The following DNAH8 variants were observed in gnomAD, a reference collection of about 807,000 sequenced individuals.
The protein encoded by DNAH8 is axonemal beta dynein heavy chain 8.
A neutral mutation model predicts 562.1 loss-of-function variants in DNAH8; 382 were observed. The observed-to-expected ratio is 0.68, with a 90% confidence interval of 0.63 to 0.74. The LOEUF (loss-of-function observed/expected upper bound fraction) is 0.74, where lower values mean the gene tolerates loss of function less well. Among genes scored for constraint, DNAH8 ranks in the 30% least tolerant of loss-of-function variants. The pLI is 0.00. For missense variants in DNAH8, 5,203 were observed against 5,620.4 expected (o/e 0.93, Z 2.37); for synonymous variants, 1,881 against 1,919.4 (o/e 0.98, Z 0.52).
intron 40 of DNAH8, 66 bp from the exon 41 acceptor site, chr6:38,853,120 G>T (rs992763052): frequency 1.6e-6 from 2 of 1,221,382 alleles, no homozygotes; most frequent in Admixed American, 2.1e-5. Flanking sequence ...TATTAAGTGT[G>T]CATGGAACGT....
intron 58 of DNAH8, among the ~76,000 whole-genome samples, chr6:38,894,179 T>G (rs1349494545): frequency 6.6e-6 from 1 of 152,164 alleles, no homozygotes; most frequent in African/African-American, 2.4e-5. Context: ...CACAGTAAAA[T>G]CCAGGTTATG....
intron 22 of DNAH8, 63 bp downstream of exon 22, chr6:38,803,374 C>A: frequency 7.5e-7 from 1 of 1,328,738 alleles, no homozygotes; most frequent in Non-Finnish European, 1.0e-6. Flanking sequence ...ATGTAAGCAC[C>A]TTCTGCTTAG....
chr6:38,731,867 A>G (rs1468630309), intron 4 of DNAH8, among the ~76,000 whole-genome samples: 1 of 152,138 alleles, frequency 6.6e-6, no homozygotes, highest in Non-Finnish European at 1.5e-5. Flanking sequence ...GGTGCACACC[A>G]CTGCGCCCAG....
At chr6:38,836,101 T>G (rs917677421) in intron 32 of DNAH8, among the ~76,000 whole-genome samples, 3 of 152,134 alleles carry the variant, frequency 2.0e-5, no homozygotes, top group East Asian at 1.9e-4. Flanking sequence ...GTTTCCAACT[T>G]GGGCATATTG....
At chr6:39,014,030 C>T (rs949091349) in intron 91 of DNAH8, among the ~76,000 whole-genome samples, 24 of 152,180 alleles carry the variant, frequency 1.6e-4, no homozygotes, top group Non-Finnish European at 3.5e-4. Context: ...TTGTGTAAAG[C>T]ATACTTTGAT....
At chr6:39,011,079 G>T (rs1442487852) in intron 89 of DNAH8, among the ~76,000 whole-genome samples, 11 of 152,048 alleles carry the variant, frequency 7.2e-5, no homozygotes, top group Admixed American at 7.2e-4. Flanking sequence ...TCCTATTCAG[G>T]CTGCCTATTT....
intron 66 of DNAH8, among the ~76,000 whole-genome samples, chr6:38,912,768 G>A (rs1224222824): frequency 6.6e-6 from 1 of 151,658 alleles, no homozygotes; most frequent in African/African-American, 2.4e-5. Flanking sequence ...TAAAATAAAG[G>A]CAATAAATGC....
intron 82 of DNAH8, among the ~76,000 whole-genome samples, chr6:38,960,503 C>T (rs957021465): frequency 6.7e-6 from 1 of 149,942 alleles, no homozygotes; most frequent in East Asian, 1.9e-4. Context: ...ATATAAATTG[C>T]AAAAAGATAT....
intron 24 of DNAH8, among the ~76,000 whole-genome samples, chr6:38,808,284 A>C (rs552862532): frequency 1.3e-5 from 2 of 152,232 alleles, no homozygotes; most frequent in South Asian, 4.2e-4. Context: ...AGGTATGTGC[A>C]TGCCTCATTT....
In DNAH8 at chr6:39,020,635, C is replaced by T. The variant is rs969672963; in HGVS notation, c.13715-5911C>T. Among the ~76,000 whole-genome samples the T allele has an allele frequency of 7.9e-5, 12 of 152,230 alleles. No homozygotes were observed. The South Asian group carries it at 8.3e-4, about 11-fold the overall frequency. ...CACCTATCATCTAGGTTTTAAGCCC[C>T]GCATGCATCAGCTATTTGTCTTAAT... On this transcript the variant is annotated intron_variant, in intron 91 of 92. Coordinates refer to ENST00000327475, the MANE Select transcript of DNAH8 (RefSeq NM_001206927.2).
In DNAH8 at chr6:38,805,600, T is replaced by C. The variant is rs1277760203; in HGVS notation, c.3150+4T>C. On this transcript the variant is annotated splice_donor_region_variant and intron_variant, in intron 23 of 92. Transcript: ENST00000327475. ...TAAAGAAGATGAATTTAAAAAGGTA[T>C]TTATTGTGGAACAACTTCATGCAAT... The C allele has an allele frequency of 1.4e-6, 2 of 1,463,792 alleles. No homozygotes were observed. The highest frequency in any genetic ancestry group is 1.9e-6 in the Non-Finnish European group (2 of 1,045,000). The allele number at this position is 1,463,792 out of a possible 1,614,324, so 90.7% of individuals were successfully genotyped here. A position where few individuals can be genotyped will look rare whatever the true frequency, so the allele number is the denominator to read the frequency against.
At chr6:38,740,651 G>A (rs1033643403) in intron 7 of DNAH8, among the ~76,000 whole-genome samples, 1 of 151,402 alleles carries the variant, frequency 6.6e-6, no homozygotes, top group Non-Finnish European at 1.5e-5. Context: ...GTCTCATTCT[G>A]TCACCCAAGC....
Position 38,770,125 on chromosome 6 carries a change from A to C in DNAH8, c.1618-288A>C, listed in dbSNP as rs534152996. ...TCTAAGATGGATGCGAACTGAATAG[A>C]GATGTCTTGATAGATAATTTCTGGA... On this transcript the variant is annotated intron_variant, in intron 11 of 92. Transcript: ENST00000327475. Among the ~76,000 whole-genome samples the C allele has an allele frequency of 7.2e-5, 11 of 152,300 alleles. 1 individual carries two copies. The South Asian group carries it at 2.3e-3, about 32-fold the overall frequency.
intron 82 of DNAH8, among the ~76,000 whole-genome samples, chr6:38,957,284 A>C (rs1253930045): frequency 1.3e-5 from 2 of 149,168 alleles, no homozygotes; most frequent in Non-Finnish European, 3.0e-5. Context: ...AAAGATATAT[A>C]AAAATTAATA....
chr6:38,732,866 G>T (rs1225064453), intron 4 of DNAH8, among the ~76,000 whole-genome samples: 1 of 151,992 alleles, frequency 6.6e-6, no homozygotes, highest in Non-Finnish European at 1.5e-5. Flanking sequence ...CTGTGGCTTT[G>T]TGATGTGGAT....
chr6:38,743,007 C>CTTTT lies in DNAH8; in HGVS notation c.1293+1144_1293+1147dup, dbSNP rs11340457. Reference sequence around the variant, plus strand: ...TTTCCAAAAAAATGTTGTTGTTGTGCTTTTTTTTTTTTTTTTTTTTTTTTT... The same window carrying CTTTT: ...TTTCCAAAAAAATGTTGTTGTTGTGCTTTTTTTTTTTTTTTTTTTTTTTTTTTTT... On this transcript the variant is annotated intron_variant, in intron 8 of 92. Coordinates refer to ENST00000327475, the MANE Select transcript of DNAH8 (RefSeq NM_001206927.2). Among the ~76,000 whole-genome samples, 65 of 52,008 alleles carry CTTTT rather than the reference C, an allele frequency of 1.2e-3. 2 individuals are homozygous for CTTTT. The highest frequency in any genetic ancestry group is 7.0e-3 in the African/African-American group (63 of 9,004). 34.1% of individuals were successfully genotyped at this position (52,008 alleles called of 152,430 possible). A position where few individuals can be genotyped will look rare whatever the true frequency, so the allele number is the denominator to read the frequency against.
At position 38,815,560 on chromosome 6, in the gene DNAH8, G is replaced by A. The variant is rs779270958; in HGVS notation, c.3426G>A (p.Gly1142=). 1 of 1,613,996 alleles carries A rather than the reference G, an allele frequency of 6.2e-7. No individual in the cohort carries two copies. Among genetic ancestry groups the A allele is most frequent in the African/African-American group, 1.3e-5 (1 of 75,026 alleles). Residue 1142 remains glycine (G), a synonymous_variant, in exon 26 of 93, where the codon GGG becomes GGA. Coordinates refer to ENST00000327475, the MANE Select transcript of DNAH8 (RefSeq NM_001206927.2). ...TCAGCAGAGGAGTGGCTCACTGGGG[G>A]CAACAGCAAATCCGTCCCATCAAGT... ...LEVSRGVAHW[G]QQQIRPIKSV...
intron 87 of DNAH8, among the ~76,000 whole-genome samples, chr6:38,988,726 A>G (rs765109113): frequency 3.3e-5 from 5 of 152,036 alleles, no homozygotes; most frequent in Non-Finnish European, 7.4e-5. Context: ...TCAGTTCTAT[A>G]ACTTTGCTTA....
At chr6:38,914,305 G>C (rs1334840458) in intron 67 of DNAH8, among the ~76,000 whole-genome samples, 1 of 149,398 alleles carries the variant, frequency 6.7e-6, no homozygotes, top group Non-Finnish European at 1.5e-5. Context: ...AGGAAGAGTT[G>C]GTAGAGTTTT....
Sources: allele counts gnomAD v4.1 joint callset (sites outside exome capture counted in the v4.1 genomes callset), GRCh38; gene constraint gnomAD v4.1.1; transcripts MANE v1.5; gene names NCBI Gene and HGNC (gene_info 2026-07-23, HGNC 2026-07-21).